MOGAT2: variants seen among roughly 807,000 people sequenced by gnomAD.
The protein encoded by MOGAT2 is monoacylglycerol O-acyltransferase 2.
MOGAT2 carries 27 observed loss-of-function variants against 31.5 expected under a neutral mutation model. The observed-to-expected ratio is 0.86, with a 90% CI of 0.63 to 1.18. MOGAT2 has a LOEUF of 1.18. MOGAT2 is among the 50% of genes most tolerant of loss of function. The pLI is 0.00. For synonymous variants in MOGAT2, 163 were observed against 170.0 expected (o/e 0.96, Z 0.32); for missense variants, 436 against 433.2 (o/e 1.01, Z -0.06).
At chr11:75,722,128 A>C (rs1313739967) in intron 2 of MOGAT2, among the ~76,000 whole-genome samples, 2 of 152,174 alleles carry the variant, frequency 1.3e-5, no homozygotes, top group African/African-American at 4.8e-5. Context: ...TGCACCTCAT[A>C]TGTGTTTCCT....
chr11:75,718,956 C>A (rs529250870), intron 1 of MOGAT2, among the ~76,000 whole-genome samples: 2 of 145,292 alleles, frequency 1.4e-5, no homozygotes, highest in East Asian at 3.9e-4. Flanking sequence ...TGCTCAGTAG[C>A]CATCTCTCTT....
chr11:75,718,819 G>A (rs921192628), intron 1 of MOGAT2, among the ~76,000 whole-genome samples: 5 of 152,158 alleles, frequency 3.3e-5, no homozygotes, highest in Admixed American at 6.5e-5. Context: ...CTAGGAGTCC[G>A]TGGGGTTTTT....
intron 2 of MOGAT2, among the ~76,000 whole-genome samples, chr11:75,722,000 G>A (rs934531360): frequency 6.6e-6 from 1 of 152,224 alleles, no homozygotes; most frequent in East Asian, 1.9e-4. Flanking sequence ...GGCAATGGGG[G>A]TGCTGGGCAG....
chr11:75,718,960 C>T (rs1041841402), intron 1 of MOGAT2, among the ~76,000 whole-genome samples: 1 of 124,578 alleles, frequency 8.0e-6, no homozygotes, highest in Non-Finnish European at 1.9e-5. Context: ...CAGTAGCCAT[C>T]TCTCTTTCTC....
chr11:75,727,905 C>T, intron 3 of MOGAT2, 65 bp from the exon 4 acceptor site: 1 of 1,474,822 alleles, frequency 6.8e-7, no homozygotes, highest in Non-Finnish European at 9.2e-7. Context: ...TCTTTATGGG[C>T]TACATGTACT....
At position 75,728,981 on chromosome 11, in the gene MOGAT2, C is replaced by T; in HGVS notation, c.842C>T (p.Thr281Ile). ...FGLIPYRRPI[T>I]TVVGKPIEVQ... is the part of the protein sequence containing the mutation. ...TTAATACCCTACCGCCGGCCCATCA[C>T]CACTGTGGGTAAGTCCAGGACCAGG... is the stretch of plus-strand genomic sequence containing the variant. The change falls in exon 5 of 6, where the codon ACC becomes ATC. Residue 281 changes from threonine to isoleucine, a missense_variant. Physicochemically the swap from Thr to Ile is moderately conservative, Grantham distance 89. Transcript: ENST00000198801. The T allele has an allele frequency of 2.5e-6, 4 of 1,613,714 alleles. No homozygotes were observed. Among genetic ancestry groups the T allele is most frequent in the Non-Finnish European group, 3.4e-6 (4 of 1,180,024 alleles).
chr11:75,728,578 TG>T (rs1944443385), intron 4 of MOGAT2: 1 of 598,522 alleles, frequency 1.7e-6, no homozygotes, highest in Middle Eastern at 4.4e-4. Flanking sequence ...ATGGTGCAAC[TG>T]GGAAGTTGTG....
At chr11:75,721,005 G>T (rs1006904249) in intron 2 of MOGAT2, among the ~76,000 whole-genome samples, 1 of 152,128 alleles carries the variant, frequency 6.6e-6, no homozygotes, top group South Asian at 2.1e-4. Context: ...GGCCAGAAGG[G>T]ATAGGATGGG....
chr11:75,729,018 G>C, intron 5 of MOGAT2, 29 bp downstream of exon 5: 1 of 1,608,598 alleles, frequency 6.2e-7, no homozygotes, highest in Non-Finnish European at 8.5e-7. Flanking sequence ...TGGGAGGGAG[G>C]AGGCCAAAGG....
chr11:75,721,670 G>A (rs773528143), intron 2 of MOGAT2, among the ~76,000 whole-genome samples: 12 of 152,160 alleles, frequency 7.9e-5, no homozygotes, highest in Non-Finnish European at 1.5e-4. Flanking sequence ...GTGACCTCGA[G>A]TCTGGGGAGG....
intron 1 of MOGAT2, 132 bp downstream of exon 1, chr11:75,718,111 C>T (rs921886625): frequency 2.1e-6 from 2 of 957,404 alleles, no homozygotes; most frequent in East Asian, 5.3e-5. Context: ...CGCTCAGAGC[C>T]CCTGCCCAGA....
intron 2 of MOGAT2, among the ~76,000 whole-genome samples, chr11:75,723,429 T>C (rs1944394567): frequency 6.6e-6 from 1 of 152,014 alleles, no homozygotes; most frequent in Non-Finnish European, 1.5e-5. Flanking sequence ...CTGTAGACGC[T>C]CTTTCCATAG....
Position 75,723,987 on chromosome 11 carries a change from C to T in MOGAT2, c.271-3448C>T, listed in dbSNP as rs549318275. Among the ~76,000 whole-genome samples the T allele has an allele frequency of 2.9e-3, 435 of 152,256 alleles. 3 individuals carry two copies. Among genetic ancestry groups the T allele is most frequent in the Non-Finnish European group, 5.1e-3 (348 of 68,014 alleles). ...AACCTCCCCTCTTCTTTGTTTACCC[C>T]CCTTGAACCCTGTAGCAACCCTGCC... On this transcript the variant is annotated intron_variant, in intron 2 of 5. Coordinates refer to ENST00000198801, the MANE Select transcript of MOGAT2 (RefSeq NM_025098.4).
intron 2 of MOGAT2, among the ~76,000 whole-genome samples, chr11:75,721,817 A>C (rs1437665117): frequency 6.6e-6 from 1 of 152,144 alleles, no homozygotes; most frequent in Non-Finnish European, 1.5e-5. Flanking sequence ...TAGAGGAAAC[A>C]AACCCACCAA....
chr11:75,728,647 AC>A, intron 4 of MOGAT2, 142 bp from the exon 5 acceptor site: 1 of 690,470 alleles, frequency 1.4e-6, no homozygotes, highest in Non-Finnish European at 2.5e-6. Flanking sequence ...CTGGGAGATA[AC>A]CCAGGCCTCC....
At chr11:75,728,696 T>C in intron 4 of MOGAT2, 94 bp from the exon 5 acceptor site, 3 of 1,096,838 alleles carry the variant, frequency 2.7e-6, no homozygotes, top group Non-Finnish European at 4.1e-6. Flanking sequence ...CTCCATTTCT[T>C]GGTCACTGAG....
intron 5 of MOGAT2, among the ~76,000 whole-genome samples, chr11:75,730,543 G>A (rs765854766): frequency 6.6e-6 from 1 of 152,162 alleles, no homozygotes; most frequent in African/African-American, 2.4e-5. Context: ...AAATAGGAAT[G>A]ACAGGTTTTT....
At chr11:75,721,538 C>T (rs1348955736) in intron 2 of MOGAT2, among the ~76,000 whole-genome samples, 1 of 152,174 alleles carries the variant, frequency 6.6e-6, no homozygotes, top group Non-Finnish European at 1.5e-5. Flanking sequence ...CCACCTTAGC[C>T]TCCCAAAGTG....
chr11:75,724,403 C>A (rs906963062), intron 2 of MOGAT2, among the ~76,000 whole-genome samples: 1 of 152,120 alleles, frequency 6.6e-6, no homozygotes, highest in African/African-American at 2.4e-5. Flanking sequence ...CAATAGAGAC[C>A]ACATCTAGGG....
Sources: allele counts gnomAD v4.1 joint callset (sites outside exome capture counted in the v4.1 genomes callset), GRCh38; gene constraint gnomAD v4.1.1; transcripts MANE v1.5; gene names NCBI Gene and HGNC (gene_info 2026-07-23, HGNC 2026-07-21).